The following NDUFAF6 variants were observed in gnomAD, a reference collection of about 807,000 sequenced individuals.
NDUFAF6 encodes NADH dehydrogenase (ubiquinone) complex I, assembly factor 6.
Under a neutral mutation model 40.8 loss-of-function variants are expected in NDUFAF6, and 45 were observed. The observed-to-expected ratio is 1.10, with a 90% CI of 0.87 to 1.42. The LOEUF (loss-of-function observed/expected upper bound fraction) is 1.42. Ranked by LOEUF, NDUFAF6 falls within the 40% of genes most tolerant of loss-of-function variation. The pLI is 0.00. For synonymous variants in NDUFAF6, 185 were observed against 155.9 expected (o/e 1.19, Z -1.39); for missense variants, 435 against 418.5 (o/e 1.04, Z -0.34).
upstream of NDUFAF6, among the ~76,000 whole-genome samples, chr8:94,954,198 G>A (rs1822875646): frequency 6.6e-6 from 1 of 152,182 alleles, no homozygotes. Flanking sequence ...AAGTAGCTGG[G>A]ACTACAGGCG....
intron 1 of NDUFAF6, among the ~76,000 whole-genome samples, chr8:94,931,529 A>T (rs1820390493): frequency 6.6e-6 from 1 of 152,154 alleles, no homozygotes; most frequent in Non-Finnish European, 1.5e-5. Context: ...GTTATTTTAC[A>T]CAGGAAGGGC....
chr8:95,082,197 C>T (rs1339114269), intron 2 of NDUFAF6, among the ~76,000 whole-genome samples: 3 of 152,040 alleles, frequency 2.0e-5, no homozygotes, highest in Non-Finnish European at 4.4e-5. Context: ...AAGAATTAGG[C>T]TGGGTGCGGT....
intron 4 of NDUFAF6, among the ~76,000 whole-genome samples, chr8:95,044,805 G>A (rs1185555488): frequency 1.3e-5 from 2 of 151,164 alleles, no homozygotes; most frequent in Non-Finnish European, 2.9e-5. Context: ...GCTGGTGTTA[G>A]TTTTTTCTGA....
intron 1 of NDUFAF6, among the ~76,000 whole-genome samples, chr8:94,913,720 G>A (rs2131235273): frequency 6.6e-6 from 1 of 152,302 alleles, no homozygotes; most frequent in East Asian, 1.9e-4. Flanking sequence ...GATTGCTTGA[G>A]CCCAAGAATT....
rs1563844557 is a variant in NDUFAF6 at position 95,058,420 on chromosome 8, G to A, written c.*483G>A. 1 of 1,232,562 alleles carries A rather than the reference G, an allele frequency of 8.1e-7. No individual in the cohort carries two copies. Among genetic ancestry groups the A allele is most frequent in the Non-Finnish European group, 1.0e-6 (1 of 988,556 alleles). The allele number at this position is 1,232,562 out of a possible 1,614,324, so 76.4% of individuals were successfully genotyped here. ...TGAAATTAATATTTGAGGAATATCA[G>A]TCACGTGTTGTGGGCTTTTATCCTT... On this transcript the variant is annotated 3_prime_UTR_variant, in exon 9 of 9. Transcript: ENST00000396124.
At chr8:95,030,754 T>C (rs1828729243) in intron 1 of NDUFAF6, among the ~76,000 whole-genome samples, 1 of 152,238 alleles carries the variant, frequency 6.6e-6, no homozygotes, top group African/African-American at 2.4e-5. Context: ...TGCATTGTTA[T>C]AAAGGAATAT....
intron 2 of NDUFAF6, among the ~76,000 whole-genome samples, chr8:94,995,434 A>G (rs954867755): frequency 3.3e-5 from 5 of 152,200 alleles, no homozygotes; most frequent in Non-Finnish European, 7.3e-5. Flanking sequence ...ATACACTTCA[A>G]AATGGTTAGT....
At chr8:95,075,818 C>T (rs1305144972) in exon 10 of NDUFAF6, 2 of 590,312 alleles carry the variant, frequency 3.4e-6, no homozygotes, top group African/African-American at 3.8e-5. Context: ...CTCGAACACG[C>T]ACACACTTCT....
Position 94,911,829 on chromosome 8 carries a change from G to A in NDUFAF6, c.-936+15902G>A, listed in dbSNP as rs149524891. Among the ~76,000 whole-genome samples the A allele has an allele frequency of 4.8e-3, 738 of 152,278 alleles. 7 individuals carry two copies. Among genetic ancestry groups the A allele is most frequent in the African/African-American group, 0.016 (653 of 41,544 alleles). The stretch of plus-strand genomic sequence containing the variant: ...CACGTTAGTGAGGATGCTATGGCAG[G>A]TTCCTTGAGAGCAGCCAGAAGTGAT... On this transcript the variant is annotated intron_variant, in intron 1 of 14. Transcript: ENST00000396113.
At chr8:95,001,778 A>T (rs1826745929) in intron 2 of NDUFAF6, among the ~76,000 whole-genome samples, 1 of 151,996 alleles carries the variant, frequency 6.6e-6, no homozygotes, top group African/African-American at 2.4e-5. Context: ...ACAATCATGC[A>T]TTGGAGGAAA....
At chr8:94,900,972 A>G (rs1196002658) in intron 1 of NDUFAF6, among the ~76,000 whole-genome samples, 1 of 152,224 alleles carries the variant, frequency 6.6e-6, no homozygotes, top group Non-Finnish European at 1.5e-5. Flanking sequence ...GGGGAATGTC[A>G]TAGAAACTAA....
rs1825194897 is a variant in NDUFAF6, at chr8:94,979,036, A to C, written c.-198-1823A>C. On this transcript the variant is annotated intron_variant, in intron 1 of 9. Transcript: ENST00000396111. ...AATAAGCCCTGAGACATTTTGTGTC[A>C]GAAGGGTTGAGTGTAGTAGAGCAAA... is the stretch of plus-strand genomic sequence containing the variant. 2.0e-5 allele frequency among the ~76,000 whole-genome samples: 3 copies of C among 152,180 alleles called. No individual in the cohort carries two copies. In the South Asian group the frequency reaches 6.2e-4, roughly 31 times the overall value.
chr8:94,996,457 G>A (rs1221497068), intron 2 of NDUFAF6, among the ~76,000 whole-genome samples: 1 of 152,164 alleles, frequency 6.6e-6, no homozygotes, highest in Non-Finnish European at 1.5e-5. Context: ...TGAAAATGGG[G>A]CATCTGAATG....
At chr8:95,053,626 TC>T (rs1831703216) in intron 8 of NDUFAF6, among the ~76,000 whole-genome samples, 2 of 151,572 alleles carry the variant, frequency 1.3e-5, no homozygotes, top group African/African-American at 4.9e-5. Context: ...TCTTTCTTTT[TC>T]TTTCTTTTTT....
At chr8:95,118,186 A>G (rs940043338), downstream of NDUFAF6, among the ~76,000 whole-genome samples, 5 of 152,216 alleles carry the variant, frequency 3.3e-5, no homozygotes, top group African/African-American at 9.7e-5. Flanking sequence ...GTCTCACTGC[A>G]TGGGTTCTGG....
intron 2 of NDUFAF6, among the ~76,000 whole-genome samples, chr8:95,092,028 T>G (rs574890035): frequency 1.4e-5 from 2 of 147,226 alleles, no homozygotes; most frequent in Non-Finnish European, 3.0e-5. Context: ...GTCATTTACC[T>G]GTCATATTTA....
chr8:95,065,279 C>T (rs1164312312), intron 9 of NDUFAF6, among the ~76,000 whole-genome samples: 1 of 152,162 alleles, frequency 6.6e-6, no homozygotes, highest in East Asian at 1.9e-4. Context: ...GGGGCCTGAG[C>T]CTTCAACTTG....
chr8:95,002,028 A>G (rs1014869987), intron 2 of NDUFAF6, among the ~76,000 whole-genome samples: 23 of 152,240 alleles, frequency 1.5e-4, no homozygotes, highest in African/African-American at 5.5e-4. Context: ...TTAGTTGGAA[A>G]GAAGTTTGAA....
chr8:94,960,389 G>C (rs544285746), intron 1 of NDUFAF6, among the ~76,000 whole-genome samples: 2 of 151,982 alleles, frequency 1.3e-5, no homozygotes, highest in Non-Finnish European at 2.9e-5. Flanking sequence ...GGCAAATGTA[G>C]ATATGACTGG....
Sources: gnomAD v4.1 joint callset for allele counts (sites outside exome capture counted in the v4.1 genomes callset) on GRCh38, gnomAD v4.1.1 for gene constraint, MANE v1.5 for transcripts, NCBI Gene and HGNC (gene_info 2026-07-23, HGNC 2026-07-21) for gene names.